The following GFRA2 variants were observed in gnomAD, a reference collection of about 807,000 sequenced individuals.
GFRA2 encodes the protein GDNF family receptor alpha-2.
In GFRA2, 17 loss-of-function variants were observed where a neutral mutation model predicts 48.3. The observed-to-expected ratio is 0.35, with a 90% CI of 0.24 to 0.53. GFRA2 has a LOEUF of 0.53. Ranked by LOEUF, GFRA2 falls within the 20% of genes least tolerant of loss-of-function variation. The probability of loss-of-function intolerance (pLI) is 0.93; values close to 1 mark genes in which losing one functional copy is unlikely to be tolerated. For missense variants in GFRA2, 660 were observed against 637.3 expected (o/e 1.04, Z -0.38); for synonymous variants, 305 against 257.2 (o/e 1.19, Z -1.78).
intron 2 of GFRA2, among the ~76,000 whole-genome samples, chr8:21,777,778 C>T (rs113583087): frequency 0.063 from 9,535 of 152,160 alleles, 305 homozygotes; most frequent in Non-Finnish European, 0.073. Context: ...GATAAGGAGT[C>T]GGGGCCCTGG....
chr8:21,737,603 C>T (rs1314523242), intron 4 of GFRA2, among the ~76,000 whole-genome samples: 1 of 152,094 alleles, frequency 6.6e-6, no homozygotes, highest in Admixed American at 6.5e-5. Flanking sequence ...CTCCCTCAGC[C>T]GGCACCTTCA....
At chr8:21,769,353 A>ATGTG in intron 3 of GFRA2, 1 of 155,458 alleles carries the variant, frequency 6.4e-6, no homozygotes, top group Non-Finnish European at 1.4e-5. Flanking sequence ...TGTCACACAC[A>ATGTG]TGTGACACCT....
intron 3 of GFRA2, among the ~76,000 whole-genome samples, chr8:21,765,574 G>A (rs2117664647): frequency 6.6e-6 from 1 of 151,952 alleles, no homozygotes; most frequent in South Asian, 2.1e-4. Flanking sequence ...CTCCCTCCAT[G>A]ACCTCATGGT....
chr8:21,736,340 A>G (rs1171203055), intron 4 of GFRA2, among the ~76,000 whole-genome samples: 6 of 152,220 alleles, frequency 3.9e-5, no homozygotes, highest in Non-Finnish European at 7.3e-5. Flanking sequence ...AAAACAACAC[A>G]TACTGTGTGA....
chr8:21,798,729 A>C (rs994006228), intron 2 of GFRA2, among the ~76,000 whole-genome samples: 9 of 152,140 alleles, frequency 5.9e-5, no homozygotes, highest in African/African-American at 2.2e-4. Flanking sequence ...ACCCTTCGCT[A>C]TCTGTTTCAG....
At chr8:21,758,060 G>A (rs1270040152) in intron 3 of GFRA2, among the ~76,000 whole-genome samples, 2 of 152,120 alleles carry the variant, frequency 1.3e-5, no homozygotes, top group African/African-American at 4.8e-5. Flanking sequence ...GTGCATTTGT[G>A]ACTCACAGGC....
At chr8:21,790,694 C>G (rs370562158), upstream of GFRA2, among the ~76,000 whole-genome samples, 2 of 152,316 alleles carry the variant, frequency 1.3e-5, no homozygotes, top group East Asian at 3.9e-4. Context: ...TGGGTAGTGA[C>G]GAGTCTGGGA....
intron 3 of GFRA2, among the ~76,000 whole-genome samples, chr8:21,758,208 CACA>C (rs1563251018): frequency 1.0e-4 from 5 of 47,728 alleles, no homozygotes; most frequent in Admixed American, 6.9e-4. Context: ...CCACTCCCCA[CACA>C]CACACACACA....
At chr8:21,712,274 C>G (rs1449774738) in intron 4 of GFRA2, among the ~76,000 whole-genome samples, 2 of 152,150 alleles carry the variant, frequency 1.3e-5, no homozygotes, top group African/African-American at 2.4e-5. Flanking sequence ...GGCAGAGGGT[C>G]TCCTCACTTC....
At chr8:21,718,880 C>T (rs77860159) in intron 4 of GFRA2, among the ~76,000 whole-genome samples, 2,207 of 152,198 alleles carry the variant, frequency 0.015, 27 homozygotes, top group Admixed American at 0.039. Flanking sequence ...TCCCTTCTGC[C>T]GTGCTCTCCC....
intron 3 of GFRA2, among the ~76,000 whole-genome samples, chr8:21,756,374 C>T (rs774463163): frequency 9.2e-5 from 14 of 152,222 alleles, no homozygotes; most frequent in Non-Finnish European, 1.3e-4. Flanking sequence ...CAGCAGGAAC[C>T]GGGTTTGAGT....
intron 1 of GFRA2, among the ~76,000 whole-genome samples, chr8:21,787,769 T>A (rs1807354816): frequency 6.6e-6 from 1 of 151,832 alleles, no homozygotes; most frequent in South Asian, 2.1e-4. Flanking sequence ...GAGTTGGATA[T>A]TTTTTTTTCT....
intron 2 of GFRA2, among the ~76,000 whole-genome samples, chr8:21,803,634 T>G (rs1807808842): frequency 6.6e-6 from 1 of 152,150 alleles, no homozygotes; most frequent in Non-Finnish European, 1.5e-5. Flanking sequence ...TGATCATAGC[T>G]AACTTTTTCT....
intron 7 of GFRA2, among the ~76,000 whole-genome samples, chr8:21,695,572 C>T (rs1802122013): frequency 6.6e-6 from 1 of 152,122 alleles, no homozygotes; most frequent in South Asian, 2.1e-4. Context: ...ATGATTAGCA[C>T]AGCGAGAATG....
intron 3 of GFRA2, among the ~76,000 whole-genome samples, chr8:21,770,354 C>G (rs1025605943): frequency 3.3e-5 from 5 of 152,264 alleles, no homozygotes; most frequent in Admixed American, 1.3e-4. Context: ...CAAGCACTCA[C>G]CTGCACTATC....
chr8:21,732,345 G>T (rs954892346), intron 4 of GFRA2, among the ~76,000 whole-genome samples: 2 of 152,246 alleles, frequency 1.3e-5, no homozygotes, highest in Non-Finnish European at 2.9e-5. Flanking sequence ...AGGGCCTGCC[G>T]AGTGGAGCAG....
At chr8:21,720,827 A>G (rs559713418) in intron 4 of GFRA2, among the ~76,000 whole-genome samples, 1 of 152,288 alleles carries the variant, frequency 6.6e-6, no homozygotes, top group East Asian at 1.9e-4. Context: ...CACTGGCATC[A>G]CTGTATCATA....
chr8:21,767,088 A>C (rs1806199182), intron 3 of GFRA2, among the ~76,000 whole-genome samples: 1 of 138,108 alleles, frequency 7.2e-6, no homozygotes, highest in South Asian at 2.2e-4. Context: ...TATCTCACAC[A>C]CACCCCACAC....
chr8:21,767,297 T>C (rs1283161023), intron 3 of GFRA2, among the ~76,000 whole-genome samples: 1 of 150,338 alleles, frequency 6.7e-6, no homozygotes, highest in Non-Finnish European at 1.5e-5. Context: ...TATACATATC[T>C]ACCGCCTCCA....
Sources: gnomAD v4.1 joint callset for allele counts (sites outside exome capture counted in the v4.1 genomes callset) on GRCh38, gnomAD v4.1.1 for gene constraint, MANE v1.5 for transcripts, NCBI Gene and HGNC (gene_info 2026-07-23, HGNC 2026-07-21) for gene names.